ANGPT2: variants seen among roughly 807,000 people sequenced by gnomAD.
ANGPT2 encodes angiopoietin 2, also known as angiopoietin-2.
A neutral mutation model predicts 62.9 loss-of-function variants in ANGPT2; 28 were observed. The observed-to-expected ratio is 0.44, with a 90% CI of 0.33 to 0.61. The LOEUF (loss-of-function observed/expected upper bound fraction) is 0.61, where lower values mean the gene tolerates loss of function less well. ANGPT2 is among the 20% of genes least tolerant of loss of function. The pLI is 0.03. For synonymous variants in ANGPT2, 284 were observed against 207.8 expected (o/e 1.37, Z -3.15); for missense variants, 727 against 594.9 (o/e 1.22, Z -2.31).
chr8:6,512,343 T>G lies in ANGPT2; in HGVS notation c.1196+1335A>C, dbSNP rs1293581783. ...AGCCTGCTCAAGGACTTTAACATTG[T>G]GTCTCCTTTCAGACTGTTCAGGTCG... is the stretch of plus-strand genomic sequence containing the variant. On this transcript the variant is annotated intron_variant, in intron 7 of 8. Transcript: ENST00000629816. Among the ~76,000 whole-genome samples the G allele has an allele frequency of 2.0e-5, 3 of 152,200 alleles. No individual in the cohort carries two copies. In the South Asian group the frequency reaches 6.2e-4, roughly 32 times the overall value.
intron 1 of ANGPT2, among the ~76,000 whole-genome samples, chr8:6,544,167 A>G (rs971377093): frequency 6.6e-6 from 1 of 152,256 alleles, no homozygotes; most frequent in Non-Finnish European, 1.5e-5. Flanking sequence ...TAGGAAGTGT[A>G]ACAAGTACGA....
intron 1 of ANGPT2, among the ~76,000 whole-genome samples, chr8:6,560,990 C>T (rs141092652): frequency 2.0e-3 from 303 of 152,294 alleles, no homozygotes; most frequent in African/African-American, 6.9e-3. Flanking sequence ...TTTCATGCCT[C>T]GCTGTGACTC....
At chr8:6,529,690 C>T (rs1412112971) in intron 2 of ANGPT2, among the ~76,000 whole-genome samples, 2 of 146,896 alleles carry the variant, frequency 1.4e-5, no homozygotes, top group Admixed American at 6.9e-5. Flanking sequence ...GTCTCGGACT[C>T]CTGATCTCAA....
At chr8:6,520,076 G>C in intron 4 of ANGPT2, 85 bp from the exon 5 acceptor site, 1 of 1,487,998 alleles carries the variant, frequency 6.7e-7, no homozygotes, top group Non-Finnish European at 9.1e-7. Flanking sequence ...CATTTGGTGA[G>C]TTTTATTACT....
At position 6,553,846 on chromosome 8, in the gene ANGPT2, C is replaced by T. The variant is rs1206141674; in HGVS notation, c.288+8801G>A. The stretch of plus-strand genomic sequence containing the variant: ...CACGTGATTCAGCCACTGAGGATGG[C>T]ACTGGCTGTGGATTTACATGTAAGA... On this transcript the variant is annotated intron_variant, in intron 1 of 8. Transcript: ENST00000629816. 5.3e-5 allele frequency among the ~76,000 whole-genome samples: 8 copies of T among 152,224 alleles called. No individual in the cohort carries two copies. The East Asian group carries it at 1.3e-3, about 26-fold the overall frequency.
chr8:6,534,772 T>C (rs1266542907), intron 1 of ANGPT2, among the ~76,000 whole-genome samples: 2 of 152,352 alleles, frequency 1.3e-5, no homozygotes, highest in East Asian at 1.9e-4. Context: ...GCTCAGGCTT[T>C]TTAGTGTGTG....
chr8:6,535,881 T>C (rs1326595426), intron 1 of ANGPT2, among the ~76,000 whole-genome samples: 1 of 133,602 alleles, frequency 7.5e-6, no homozygotes, highest in African/African-American at 2.7e-5. Context: ...AACCCATCTC[T>C]ACAAAAAATA....
At chr8:6,530,470 C>T (rs2515473) in intron 2 of ANGPT2, among the ~76,000 whole-genome samples, 98,721 of 145,984 alleles carry the variant, frequency 0.68, 33,842 homozygotes, top group Non-Finnish European at 0.72. Flanking sequence ...GATCACACCA[C>T]TGCACTCCAA....
chr8:6,556,492 G>A (rs7015809), intron 1 of ANGPT2, among the ~76,000 whole-genome samples: 117 of 108,666 alleles, frequency 1.1e-3, no homozygotes, highest in African/African-American at 4.0e-3. Context: ...CCTTTGTGCT[G>A]TGTTTAATTT....
intron 7 of ANGPT2, among the ~76,000 whole-genome samples, chr8:6,513,197 T>G (rs1815527243): frequency 6.6e-6 from 1 of 152,222 alleles, no homozygotes; most frequent in Non-Finnish European, 1.5e-5. Flanking sequence ...TTTTATATTG[T>G]TATAACCAAA....
chr8:6,554,144 A>T (rs922751082), intron 1 of ANGPT2, among the ~76,000 whole-genome samples: 2 of 150,296 alleles, frequency 1.3e-5, no homozygotes, highest in South Asian at 4.3e-4. Context: ...GACCCATATT[A>T]GACTAATAGT....
At chr8:6,516,003 C>T (rs1816198737) in intron 5 of ANGPT2, among the ~76,000 whole-genome samples, 1 of 152,332 alleles carries the variant, frequency 6.6e-6, no homozygotes, top group South Asian at 2.1e-4. Flanking sequence ...GTCCCTGGAA[C>T]AGCCTGGTCT....
chr8:6,504,907 G>T (rs879464900), intron 8 of ANGPT2, among the ~76,000 whole-genome samples: 2 of 151,942 alleles, frequency 1.3e-5, no homozygotes, highest in African/African-American at 2.4e-5. Context: ...CTAAGGATAA[G>T]GGAGGACTGC....
chr8:6,509,421 G>A lies in ANGPT2; in HGVS notation c.1197-359C>T, dbSNP rs140873478. Among the ~76,000 whole-genome samples, 18 of 152,260 alleles carry A rather than the reference G, an allele frequency of 1.2e-4. No individual in the cohort carries two copies. The South Asian group carries it at 1.4e-3, about 12-fold the overall frequency. ...GTCTCCAGTCATCTTCCATAGAGAC[G>A]GAGTCCTGAGACAACTGGACAACCT... On this transcript the variant is annotated intron_variant, in intron 7 of 8. Transcript: ENST00000629816.
At chr8:6,553,878 C>A (rs1156495350) in intron 1 of ANGPT2, among the ~76,000 whole-genome samples, 1 of 152,254 alleles carries the variant, frequency 6.6e-6, no homozygotes, top group East Asian at 1.9e-4. Context: ...AAGACAACTT[C>A]ATGGCGTATT....
rs1825816739 is a variant in ANGPT2 at position 6,563,180 on chromosome 8, G to A, written c.-246C>T. 1.9e-5 allele frequency: 7 copies of A among 360,648 alleles called. No individual in the cohort carries two copies. In the South Asian group the frequency reaches 3.8e-4, roughly 20 times the overall value. The allele number at this position is 360,648 out of a possible 1,614,324, so 22.3% of individuals were successfully genotyped here. A position where few individuals can be genotyped will look rare whatever the true frequency, so the allele number is the denominator to read the frequency against. ...AGTCCTGCTCACTTGGGAGGGCTGTGTCAGCTTTTACAGAGCAGCTTTCAC... is the reference window on the plus strand; with the variant it reads ...AGTCCTGCTCACTTGGGAGGGCTGTATCAGCTTTTACAGAGCAGCTTTCAC... On this transcript the variant is annotated 5_prime_UTR_variant, in exon 1 of 9. Coordinates refer to ENST00000629816, the MANE Select transcript of ANGPT2 (RefSeq NM_001118887.2).
At position 6,500,424 on chromosome 8, in the gene ANGPT2, A is replaced by G; in HGVS notation, c.*2677T>C. On this transcript the variant is annotated 3_prime_UTR_variant, in exon 9 of 9. Coordinates refer to ENST00000629816, the MANE Select transcript of ANGPT2 (RefSeq NM_001118887.2). ...TAAGTAATAATTAAGTGGATAATTT[A>G]AAGTTTGCTTGGATACAGGATTGTG... The G allele has an allele frequency of 6.4e-6, 1 of 156,968 alleles. No individual in the cohort carries two copies. Among genetic ancestry groups the G allele is most frequent in the Non-Finnish European group, 1.4e-5 (1 of 70,778 alleles). The allele number at this position is 156,968 out of a possible 1,614,324, so 9.7% of individuals were successfully genotyped here. A position where few individuals can be genotyped will look rare whatever the true frequency, so the allele number is the denominator to read the frequency against.
intron 2 of ANGPT2, among the ~76,000 whole-genome samples, chr8:6,530,755 T>C (rs1819344232): frequency 6.6e-6 from 1 of 152,210 alleles, no homozygotes; most frequent in Non-Finnish European, 1.5e-5. Context: ...TATTCTCTTA[T>C]CTGTAAGTCT....
chr8:6,541,870 T>C (rs774487071), intron 1 of ANGPT2, among the ~76,000 whole-genome samples: 4 of 151,916 alleles, frequency 2.6e-5, no homozygotes, highest in Non-Finnish European at 5.9e-5. Context: ...TAGCTGGACA[T>C]GGTGGCTCAT....
Sources: gnomAD v4.1 joint callset for allele counts (sites outside exome capture counted in the v4.1 genomes callset) on GRCh38, gnomAD v4.1.1 for gene constraint, MANE v1.5 for transcripts, NCBI Gene and HGNC (gene_info 2026-07-23, HGNC 2026-07-21) for gene names.